Variants in FGF12 observed in about 807,000 individuals in gnomAD.
The protein encoded by FGF12 is fibroblast growth factor 12.
FGF12 carries 14 observed loss-of-function variants against 23.6 expected under a neutral mutation model. That is an observed-to-expected ratio of 0.59 (90% confidence interval 0.39 to 0.93). FGF12 has a LOEUF of 0.93. FGF12 is among the 40% of genes least tolerant of loss of function. The pLI is 0.00. For missense variants in FGF12, 175 were observed against 217.8 expected (o/e 0.80, Z 1.24); for synonymous variants, 62 against 77.3 (o/e 0.80, Z 1.04).
chr3:192,278,940 C>T (rs532795542), intron 4 of FGF12, among the ~76,000 whole-genome samples: 46 of 150,596 alleles, frequency 3.1e-4, no homozygotes, highest in African/African-American at 1.1e-3. Context: ...GTGGGGGTGA[C>T]TAAAATTTTT....
At chr3:192,619,770 A>G (rs942685986) in intron 2 of FGF12, among the ~76,000 whole-genome samples, 1 of 152,178 alleles carries the variant, frequency 6.6e-6, no homozygotes, top group Non-Finnish European at 1.5e-5. Context: ...AACATCTTGA[A>G]AAAATAATTA....
At chr3:192,170,745 T>G in intron 4 of FGF12, 89 bp from the exon 5 acceptor site, 1 of 1,120,684 alleles carries the variant, frequency 8.9e-7, no homozygotes, top group Non-Finnish European at 1.3e-6. Flanking sequence ...TTGAAATCCA[T>G]GTCCTCTGTT....
chr3:192,538,495 C>T lies in FGF12; in HGVS notation c.14-177957G>A, dbSNP rs1725288560. 2.6e-5 allele frequency among the ~76,000 whole-genome samples: 4 copies of T among 152,136 alleles called. No homozygotes were observed. The South Asian group carries it at 8.3e-4, about 32-fold the overall frequency. On this transcript the variant is annotated intron_variant, in intron 2 of 5. Coordinates refer to ENST00000445105, the MANE Select transcript of FGF12 (RefSeq NM_004113.6). ...TTGGTCTATTTGTCTGGTTTTATGCCAGTACCATGCTATTTTGGTACTATA... is the reference window on the plus strand; with the variant it reads ...TTGGTCTATTTGTCTGGTTTTATGCTAGTACCATGCTATTTTGGTACTATA...
chr3:192,709,228 A>G (rs1157190367), intron 2 of FGF12, among the ~76,000 whole-genome samples: 1 of 152,200 alleles, frequency 6.6e-6, no homozygotes, highest in Non-Finnish European at 1.5e-5. Context: ...AACCTGTACA[A>G]ATAAGAAGAG....
chr3:192,227,781 T>G (rs2108580345), intron 4 of FGF12, among the ~76,000 whole-genome samples: 1 of 152,196 alleles, frequency 6.6e-6, no homozygotes, highest in South Asian at 2.1e-4. Context: ...CTATGATACA[T>G]AGTCATGATT....
chr3:192,301,686 G>C (rs1211000823), intron 4 of FGF12, among the ~76,000 whole-genome samples: 1 of 152,114 alleles, frequency 6.6e-6, no homozygotes, highest in African/African-American at 2.4e-5. Context: ...TGGAGGGAGG[G>C]TGTTCCAGAT....
At chr3:192,173,585 C>A (rs1448961693) in intron 4 of FGF12, among the ~76,000 whole-genome samples, 1 of 151,976 alleles carries the variant, frequency 6.6e-6, no homozygotes, top group Non-Finnish European at 1.5e-5. Flanking sequence ...AATTTTAATT[C>A]ATTTTCTTTT....
Position 192,500,437 on chromosome 3 carries a change from T to TCC in FGF12, c.14-139901_14-139900dup, listed in dbSNP as rs34993789. On this transcript the variant is annotated intron_variant, in intron 2 of 5. Transcript: ENST00000445105. ...TATTGCTGATATAATAAATCCAACA[T>TCC]CCCCCCACCCGCCACACACACACAG... Among the ~76,000 whole-genome samples the TCC allele has an allele frequency of 3.2e-3, 463 of 145,236 alleles. 5 individuals are homozygous for TCC. Among genetic ancestry groups the TCC allele is most frequent in the African/African-American group, 0.012 (452 of 39,274 alleles).
chr3:192,365,513 T>C (rs1225070376), intron 2 of FGF12, among the ~76,000 whole-genome samples: 3 of 152,072 alleles, frequency 2.0e-5, no homozygotes, highest in Non-Finnish European at 4.4e-5. Context: ...GCTGTTACTA[T>C]GGGAAATTGG....
intron 4 of FGF12, among the ~76,000 whole-genome samples, chr3:192,197,877 C>T (rs371005585): frequency 2.2e-5 from 3 of 136,072 alleles, no homozygotes; most frequent in South Asian, 2.3e-4. Flanking sequence ...ACCCAGGGGA[C>T]GGAGGTTGCA....
In FGF12 at chr3:192,506,055, T is replaced by C. The variant is rs565555708; in HGVS notation, c.14-145517A>G. ...AGGCTTAATATTAAGTGTATTACAG[T>C]TGGGCCCAGTGGGTCAAAAGGTGAA... On this transcript the variant is annotated intron_variant, in intron 2 of 5. Transcript: ENST00000445105. Among the ~76,000 whole-genome samples, 30 of 152,332 alleles carry C rather than the reference T, an allele frequency of 2.0e-4. 1 individual carries two copies. The South Asian group carries it at 5.8e-3, about 29-fold the overall frequency.
rs1560075688 is a variant in FGF12, at chr3:192,336,574, CG to C, written c.125-1111del. On this transcript the variant is annotated intron_variant, in intron 3 of 5. Transcript: ENST00000445105. This position sits in a 1 kb window ranked among gnomAD's most constrained non-coding sequence, Gnocchi z 4.3. ...ACATGGAGATGAATTAAGTATCTCA[CG>C]GCTGTATGCATAAGAGAATATCTCT... Among the ~76,000 whole-genome samples, 1 of 152,126 alleles carries C rather than the reference CG, an allele frequency of 6.6e-6. No homozygotes were observed. The highest frequency in any genetic ancestry group is 2.4e-5 in the African/African-American group (1 of 41,442).
In FGF12 at chr3:192,362,467, T is replaced by C. The variant is rs142306143; in HGVS notation, c.14-1929A>G. On this transcript the variant is annotated intron_variant, in intron 2 of 5. Coordinates refer to ENST00000445105, the MANE Select transcript of FGF12 (RefSeq NM_004113.6). ...ATGTTCTCATTGTTCAATTCCCACC[T>C]ATGAGTGAGAACACGCAGTGTTTGG... Among the ~76,000 whole-genome samples the C allele has an allele frequency of 7.8e-3, 1,147 of 147,908 alleles. 8 individuals are homozygous for C. Among genetic ancestry groups the C allele is most frequent in the African/African-American group, 0.027 (1,085 of 40,524 alleles).
chr3:192,531,194 T>C lies in FGF12; in HGVS notation c.14-170656A>G, dbSNP rs1725081345. On this transcript the variant is annotated intron_variant, in intron 2 of 5. Transcript: ENST00000445105. ...GCTACACACGTTATTAGAGTGGTGA[T>C]TTTTTTTCTTTCCTGTTTTCATTTC... 2.0e-5 allele frequency among the ~76,000 whole-genome samples: 3 copies of C among 152,194 alleles called. No homozygotes were observed. In the South Asian group the frequency reaches 6.2e-4, roughly 32 times the overall value.
At chr3:192,646,970 C>T (rs1338802581) in intron 2 of FGF12, among the ~76,000 whole-genome samples, 1 of 152,004 alleles carries the variant, frequency 6.6e-6, no homozygotes, top group Admixed American at 6.6e-5. Flanking sequence ...ATCTAGAGAG[C>T]TTGCTTAGGT....
At chr3:192,503,609 T>G (rs1231368365) in intron 2 of FGF12, among the ~76,000 whole-genome samples, 43 of 144,890 alleles carry the variant, frequency 3.0e-4, no homozygotes, top group South Asian at 8.8e-4. Context: ...GTGTGTTTTT[T>G]TTTTTTTTTT....
intron 2 of FGF12, among the ~76,000 whole-genome samples, chr3:192,506,899 T>G (rs1407991947): frequency 2.6e-5 from 4 of 151,572 alleles, no homozygotes; most frequent in South Asian, 2.1e-4. Context: ...TCAGTTTTTT[T>G]TTTTTTTTTT....
chr3:192,320,458 C>G (rs773196316), intron 4 of FGF12, among the ~76,000 whole-genome samples: 1 of 152,092 alleles, frequency 6.6e-6, no homozygotes, highest in Non-Finnish European at 1.5e-5. Flanking sequence ...CACTATAGAT[C>G]AAATAGGCTT....
At chr3:192,555,669 G>T (rs1711737501) in intron 2 of FGF12, among the ~76,000 whole-genome samples, 1 of 149,682 alleles carries the variant, frequency 6.7e-6, no homozygotes, top group Non-Finnish European at 1.5e-5. Context: ...GTAGTGGCAG[G>T]TGCCTGTAAT....
Sources: allele counts gnomAD v4.1 joint callset (sites outside exome capture counted in the v4.1 genomes callset), GRCh38; gene constraint gnomAD v4.1.1; non-coding constraint Gnocchi (gnomAD v3.1); transcripts MANE v1.5; gene names NCBI Gene and HGNC (gene_info 2026-07-23, HGNC 2026-07-21).